VAV3: variants seen among roughly 807,000 people sequenced by gnomAD.
VAV3 encodes vav guanine nucleotide exchange factor 3.
VAV3 carries 94 observed loss-of-function variants against 131.2 expected under a neutral mutation model. The ratio of observed to expected loss-of-function variants is 0.72; its 90% CI spans 0.61 to 0.85. The LOEUF (loss-of-function observed/expected upper bound fraction) is 0.85. VAV3 is among the 40% of genes least tolerant of loss of function. VAV3 has a pLI of 0.00. For missense variants in VAV3, 939 were observed against 1,002.7 expected (o/e 0.94, Z 0.86); for synonymous variants, 349 against 342.0 (o/e 1.02, Z -0.22).
chr1:107,677,254 C>G (rs922507867), intron 19 of VAV3, among the ~76,000 whole-genome samples: 3 of 152,114 alleles, frequency 2.0e-5, no homozygotes, highest in African/African-American at 7.2e-5. Flanking sequence ...TTAAGAATTA[C>G]TTTATCAATG....
intron 15 of VAV3, among the ~76,000 whole-genome samples, chr1:107,706,212 A>C (rs1250917749): frequency 6.6e-6 from 1 of 152,112 alleles, no homozygotes; most frequent in African/African-American, 2.4e-5. Context: ...ATGAGCCAGG[A>C]TTTCCCCTTT....
At chr1:107,610,808 CGAATA>C (rs937074728) in intron 21 of VAV3, among the ~76,000 whole-genome samples, 112 of 152,184 alleles carry the variant, frequency 7.4e-4, no homozygotes, top group African/African-American at 2.5e-3. Context: ...AAAATTCCTA[CGAATA>C]GGAGTACAGA....
intron 20 of VAV3, among the ~76,000 whole-genome samples, chr1:107,634,407 C>T (rs1239996863): frequency 6.6e-6 from 1 of 152,088 alleles, no homozygotes; most frequent in Non-Finnish European, 1.5e-5. Context: ...GCTGGGAAAA[C>T]TGGCTAGCCA....
intron 2 of VAV3, among the ~76,000 whole-genome samples, chr1:107,827,180 A>C (rs1460350551): frequency 6.6e-6 from 1 of 152,146 alleles, no homozygotes. Context: ...GAGCTAAATA[A>C]AATTTTCTGT....
intron 2 of VAV3, among the ~76,000 whole-genome samples, chr1:107,782,601 A>G (rs1285620547): frequency 1.3e-5 from 2 of 152,220 alleles, no homozygotes; most frequent in Non-Finnish European, 1.5e-5. Flanking sequence ...GTGTATCCCA[A>G]AGTGAGTGAG....
At chr1:107,846,104 G>T (rs1270780706) in intron 2 of VAV3, among the ~76,000 whole-genome samples, 1 of 152,202 alleles carries the variant, frequency 6.6e-6, no homozygotes, top group Non-Finnish European at 1.5e-5. Context: ...GGATCTCTCT[G>T]CAGAAACTCT....
intron 18 of VAV3, among the ~76,000 whole-genome samples, chr1:107,685,021 T>C (rs1658919306): frequency 6.6e-6 from 1 of 152,190 alleles, no homozygotes; most frequent in African/African-American, 2.4e-5. Context: ...AGAAGCTGTC[T>C]TTCTACTGAT....
intron 2 of VAV3, among the ~76,000 whole-genome samples, chr1:107,823,130 G>A (rs1667872402): frequency 6.6e-6 from 1 of 152,130 alleles, no homozygotes; most frequent in Non-Finnish European, 1.5e-5. Context: ...AAGTCCAAAG[G>A]AGAAGGAGGA....
intron 1 of VAV3, among the ~76,000 whole-genome samples, chr1:107,879,151 T>A (rs938435671): frequency 1.3e-5 from 2 of 152,160 alleles, no homozygotes; most frequent in Admixed American, 1.3e-4. Context: ...CTTTCTTATA[T>A]CAAGTTGTCC....
At chr1:107,879,852 G>C (rs1307150444) in intron 1 of VAV3, among the ~76,000 whole-genome samples, 5 of 152,114 alleles carry the variant, frequency 3.3e-5, no homozygotes, top group Non-Finnish European at 7.4e-5. Context: ...ATCCATATAA[G>C]AGTTGCCAAG....
At chr1:107,674,837 CT>C (rs1163080620) in intron 19 of VAV3, among the ~76,000 whole-genome samples, 1 of 152,162 alleles carries the variant, frequency 6.6e-6, no homozygotes, top group African/African-American at 2.4e-5. Context: ...TAATGTCCAC[CT>C]TGCAAGGAAA....
intron 15 of VAV3, among the ~76,000 whole-genome samples, chr1:107,708,488 G>A (rs1411024149): frequency 6.6e-6 from 1 of 152,060 alleles, no homozygotes; most frequent in Non-Finnish European, 1.5e-5. Context: ...AACTAATCAG[G>A]CAATCAAACA....
At chr1:107,883,925 T>C (rs1460132662) in intron 1 of VAV3, among the ~76,000 whole-genome samples, 2 of 152,186 alleles carry the variant, frequency 1.3e-5, no homozygotes, top group Non-Finnish European at 2.9e-5. Flanking sequence ...GCATCTTTAC[T>C]CCTCCTTTTG....
intron 1 of VAV3, among the ~76,000 whole-genome samples, chr1:107,898,316 A>G: frequency 6.6e-6 from 1 of 152,222 alleles, no homozygotes; most frequent in East Asian, 1.9e-4. Flanking sequence ...ACTTTTATAA[A>G]TAGAAGAATT....
rs142082399 is a variant in VAV3 at position 107,642,641 on chromosome 1, T to C, written c.1892A>G (p.Asp631Gly). 182 of 1,613,034 alleles carry C rather than the reference T, an allele frequency of 1.1e-4. No individual in the cohort carries two copies. Among genetic ancestry groups the C allele is most frequent in the Non-Finnish European group, 1.5e-4 (172 of 1,179,508 alleles). Residue 631 changes from aspartate to glycine, a missense_variant, in exon 20 of 27, where the codon GAT (aspartate) becomes GGT (glycine). Coordinates refer to ENST00000370056, the MANE Select transcript of VAV3 (RefSeq NM_006113.5). ...TACCTGCCAAAACAGACTGTGTGCA[T>C]CTCCTTTCAGAAGTTCAACGGTATC... ...AGDTVELLKG[D>G]AHSLFWQGRN...
intron 12 of VAV3, among the ~76,000 whole-genome samples, chr1:107,754,112 T>C (rs747953241): frequency 6.6e-6 from 1 of 152,152 alleles, no homozygotes; most frequent in Non-Finnish European, 1.5e-5. Flanking sequence ...AATGTAAAGT[T>C]TACGGGCAGT....
rs772000423 is a variant in VAV3, at chr1:107,751,148, T to A, written c.1228A>T (p.Thr410Ser). Residue 410 changes from threonine to serine, a missense_variant, in exon 13 of 27, where the codon ACC becomes TCC. By Grantham distance (58) the Thr-to-Ser change is moderately conservative (BLOSUM62 1). Coordinates refer to ENST00000370056, the MANE Select transcript of VAV3 (RefSeq NM_006113.5). Reference sequence around the variant, plus strand: ...TGTTTGGTATGCTTGTCTAGAGTGGTTATTCGAATTTCACCATCTCCCTGA... The same window carrying A: ...TGTTTGGTATGCTTGTCTAGAGTGGATATTCGAATTTCACCATCTCCCTGA... ...RPQGDGEIRI[T>S]TLDKHTKQER... The A allele has an allele frequency of 6.2e-7, 1 of 1,613,330 alleles. No individual in the cohort carries two copies. Among genetic ancestry groups the A allele is most frequent in the Admixed American group, 1.7e-5 (1 of 59,886 alleles).
Position 107,572,839 on chromosome 1 carries a change from G to A in VAV3, c.*492C>T. 6.5e-6 allele frequency: 1 copy of A among 153,898 alleles called. No individual in the cohort carries two copies. Among genetic ancestry groups the A allele is most frequent in the Admixed American group, 6.5e-5 (1 of 15,346 alleles). 9.5% of individuals were successfully genotyped at this position (153,898 alleles called of 1,614,324 possible). A position where few individuals can be genotyped will look rare whatever the true frequency, so the allele number is the denominator to read the frequency against. The stretch of plus-strand genomic sequence containing the variant: ...TGGACAATTTAAGACAAGTAAGGCT[G>A]GATCTTTCCAGTAAGCTGCTCAAAT... On this transcript the variant is annotated 3_prime_UTR_variant, in exon 27 of 27. Coordinates refer to ENST00000370056, the MANE Select transcript of VAV3 (RefSeq NM_006113.5).
chr1:107,961,395 G>A (rs10158049), intron 1 of VAV3, among the ~76,000 whole-genome samples: 6,646 of 152,036 alleles, frequency 0.044, 364 homozygotes, highest in African/African-American at 0.13. Flanking sequence ...CGCCCACCCA[G>A]TACAGCTATC....
Sources: allele counts gnomAD v4.1 joint callset (sites outside exome capture counted in the v4.1 genomes callset), GRCh38; gene constraint gnomAD v4.1.1; transcripts MANE v1.5; gene names NCBI Gene and HGNC (gene_info 2026-07-23, HGNC 2026-07-21).